The following ZRANB3 variants were observed in gnomAD, a reference collection of about 807,000 sequenced individuals.
ZRANB3 encodes the protein zinc finger RANBP2-type containing 3, also known as DNA annealing helicase and endonuclease ZRANB3.
A neutral mutation model predicts 133.8 loss-of-function variants in ZRANB3; 125 were observed. The ratio of observed to expected loss-of-function variants is 0.93; its 90% CI spans 0.81 to 1.08. The LOEUF (loss-of-function observed/expected upper bound fraction) is 1.08. ZRANB3 is among the 50% of genes least tolerant of loss of function. The pLI, the probability that ZRANB3 is intolerant of heterozygous loss-of-function variation, is 0.00. For synonymous variants in ZRANB3, 387 were observed against 432.7 expected, an observed-to-expected ratio of 0.89 and a Z score of 1.31; for missense variants, 1,229 against 1,275.5, an observed-to-expected ratio of 0.96 and a Z score of 0.56.
intron 3 of ZRANB3, among the ~76,000 whole-genome samples, chr2:135,386,972 C>G (rs1687013146): frequency 6.6e-6 from 1 of 150,692 alleles, no homozygotes; most frequent in South Asian, 2.1e-4. Context: ...CGCAGGTACC[C>G]TAGATCTTAA....
At chr2:135,405,924 A>G (rs1056806927) in intron 2 of ZRANB3, among the ~76,000 whole-genome samples, 16 of 152,226 alleles carry the variant, frequency 1.1e-4, no homozygotes, top group African/African-American at 3.9e-4. Context: ...GAGAAGCAAG[A>G]GCAAACACAT....
At chr2:135,474,081 C>T (rs1222422913) in intron 2 of ZRANB3, among the ~76,000 whole-genome samples, 2 of 151,934 alleles carry the variant, frequency 1.3e-5, no homozygotes, top group African/African-American at 4.8e-5. Context: ...GTCTCAGCTA[C>T]TTGGGAGGCT....
intron 12 of ZRANB3, among the ~76,000 whole-genome samples, chr2:135,234,055 T>C (rs2105073152): frequency 6.6e-6 from 1 of 152,172 alleles, no homozygotes; most frequent in Non-Finnish European, 1.5e-5. Flanking sequence ...ACCCATCTCA[T>C]GTGCAGAGAC....
intron 2 of ZRANB3, among the ~76,000 whole-genome samples, chr2:135,408,395 G>A (rs6736051): frequency 0.19 from 28,434 of 151,968 alleles, 3,541 homozygotes; most frequent in South Asian, 0.33. Context: ...AACTAGTTCA[G>A]CCATTGTGGA....
In ZRANB3 at chr2:135,275,626, G is replaced by A; in HGVS notation, c.1086+10C>T. The A allele has an allele frequency of 6.4e-7, 1 of 1,566,414 alleles. No individual in the cohort carries two copies. Among genetic ancestry groups the A allele is most frequent in the Non-Finnish European group, 8.7e-7 (1 of 1,155,408 alleles). ...TCTAAAAAGTATTTAGTTAAAAAATGGCAACATACCTTATTTTCGATGACT... is the reference window on the plus strand; with the variant it reads ...TCTAAAAAGTATTTAGTTAAAAAATAGCAACATACCTTATTTTCGATGACT... On this transcript the variant is annotated intron_variant, in intron 9 of 20. Transcript: ENST00000264159.
intron 1 of ZRANB3, among the ~76,000 whole-genome samples, chr2:135,507,280 TATAAG>T (rs1306466922): frequency 2.0e-5 from 3 of 152,166 alleles, no homozygotes; most frequent in Non-Finnish European, 1.5e-5. Flanking sequence ...TTGAGATGGC[TATAAG>T]ATAAGAAGTG....
At chr2:135,332,758 T>TA (rs2104849227) in intron 6 of ZRANB3, among the ~76,000 whole-genome samples, 1 of 152,304 alleles carries the variant, frequency 6.6e-6, no homozygotes, top group African/African-American at 2.4e-5. Flanking sequence ...TCATACTCAC[T>TA]ATGTCTTTAC....
Position 135,281,894 on chromosome 2 carries a change from T to C in ZRANB3, c.967-6139A>G, listed in dbSNP as rs915874539. Among the ~76,000 whole-genome samples the C allele has an allele frequency of 7.2e-5, 11 of 152,330 alleles. 1 individual carries two copies. The South Asian group carries it at 1.7e-3, about 23-fold the overall frequency. On this transcript the variant is annotated intron_variant, in intron 8 of 20. Transcript: ENST00000264159. ...CATCATTTCAGCTCTAGGTAAACAT[T>C]AATTAACTTTCTGTCTCTATGGATT...
intron 8 of ZRANB3, among the ~76,000 whole-genome samples, chr2:135,277,371 GGTTA>G (rs1437054739): frequency 2.0e-5 from 3 of 152,144 alleles, no homozygotes; most frequent in Non-Finnish European, 4.4e-5. Flanking sequence ...TCTAGTCAGT[GGTTA>G]GTGTCTTTCT....
At chr2:135,424,273 G>GA (rs1278548728) in intron 2 of ZRANB3, among the ~76,000 whole-genome samples, 3 of 151,570 alleles carry the variant, frequency 2.0e-5, no homozygotes, top group African/African-American at 4.8e-5. Context: ...TAGATTTGAG[G>GA]AAAATTTTCA....
intron 3 of ZRANB3, among the ~76,000 whole-genome samples, chr2:135,356,414 G>A (rs1685437986): frequency 6.6e-6 from 1 of 151,958 alleles, no homozygotes; most frequent in African/African-American, 2.4e-5. Flanking sequence ...ATTTTTATTT[G>A]TCAAATAAAT....
intron 9 of ZRANB3, 119 bp from the exon 10 acceptor site, chr2:135,272,006 CAG>C: frequency 9.1e-7 from 1 of 1,098,266 alleles, no homozygotes; most frequent in Non-Finnish European, 1.2e-6. Flanking sequence ...GTTAAGGTGA[CAG>C]ATTGGTAAAT....
chr2:135,275,298 C>A (rs1415309761), intron 9 of ZRANB3, among the ~76,000 whole-genome samples: 3 of 147,450 alleles, frequency 2.0e-5, no homozygotes, highest in Non-Finnish European at 4.4e-5. Flanking sequence ...CGGGCGGGGG[C>A]TGCCCCCCAC....
At chr2:135,327,982 T>C (rs1044882115) in intron 6 of ZRANB3, among the ~76,000 whole-genome samples, 1 of 152,192 alleles carries the variant, frequency 6.6e-6, no homozygotes, top group Non-Finnish European at 1.5e-5. Flanking sequence ...CTTCTTTATG[T>C]ACTTAAGTAG....
chr2:135,507,669 T>TTTTC (rs1389662750), intron 1 of ZRANB3, among the ~76,000 whole-genome samples: 2 of 152,140 alleles, frequency 1.3e-5, no homozygotes, highest in African/African-American at 4.8e-5. Flanking sequence ...CTTTTTTTTT[T>TTTTC]TTTCTTTGCT....
At chr2:135,447,257 T>G (rs56135842) in intron 2 of ZRANB3, among the ~76,000 whole-genome samples, 1 of 152,040 alleles carries the variant, frequency 6.6e-6, no homozygotes, top group African/African-American at 2.4e-5. Context: ...CAGGCTGGTC[T>G]TGAACTCCTG....
At chr2:135,301,830 T>C (rs1446095477) in intron 8 of ZRANB3, among the ~76,000 whole-genome samples, 1 of 152,216 alleles carries the variant, frequency 6.6e-6, no homozygotes, top group East Asian at 1.9e-4. Context: ...TAGCTGAATA[T>C]TTATTTCATG....
chr2:135,224,438 G>A lies in ZRANB3; in HGVS notation c.2238C>T (p.His746=). 1 of 1,612,170 alleles carries A rather than the reference G, an allele frequency of 6.2e-7. No homozygotes were observed. The highest frequency in any genetic ancestry group is 1.1e-5 in the South Asian group (1 of 90,740). ...GCATGACGCTTACCTTAGTATAGAT[G>A]TGAATCCGGTCAGTATTCCTACTTG... is the stretch of plus-strand genomic sequence containing the variant. ...FCASRNTDRI[H]IYTKDGKQMS... Residue 746 remains histidine (H), a synonymous_variant, in exon 15 of 21, where the codon CAC becomes CAT. Coordinates refer to ENST00000264159, the MANE Select transcript of ZRANB3 (RefSeq NM_032143.4).
At chr2:135,316,965 G>A (rs1191323028) in intron 6 of ZRANB3, among the ~76,000 whole-genome samples, 8 of 79,882 alleles carry the variant, frequency 1.0e-4, no homozygotes, top group African/African-American at 2.0e-4. Flanking sequence ...ATTCCGTCTC[G>A]AGAAAAAAAA....
Sources: allele counts gnomAD v4.1 joint callset (sites outside exome capture counted in the v4.1 genomes callset), GRCh38; gene constraint gnomAD v4.1.1; transcripts MANE v1.5; gene names NCBI Gene and HGNC (gene_info 2026-07-23, HGNC 2026-07-21).